The following ERICH6 variants were observed in gnomAD, a reference collection of about 807,000 sequenced individuals.
The protein encoded by ERICH6 is glutamate-rich protein 6.
Under a neutral mutation model 71.0 loss-of-function variants are expected in ERICH6, and 71 were observed. The ratio of observed to expected loss-of-function variants is 1.00; its 90% confidence interval spans 0.83 to 1.22. ERICH6 has a LOEUF of 1.22. Ranked by LOEUF, ERICH6 falls within the 50% of genes most tolerant of loss-of-function variation. The pLI is 0.00. For synonymous variants in ERICH6, 262 were observed against 278.4 expected, an observed-to-expected ratio of 0.94 and a Z score of 0.59; for missense variants, 808 against 797.2, an observed-to-expected ratio of 1.01 and a Z score of -0.16.
chr3:150,672,713 T>G (rs1711517507), intron 11 of ERICH6, among the ~76,000 whole-genome samples: 1 of 151,674 alleles, frequency 6.6e-6, no homozygotes, highest in Non-Finnish European at 1.5e-5. Context: ...GTGTTCAGAA[T>G]AGCCAAAAAA....
At chr3:150,686,933 G>A (rs1265743236) in intron 3 of ERICH6, among the ~76,000 whole-genome samples, 1 of 152,188 alleles carries the variant, frequency 6.6e-6, no homozygotes, top group Non-Finnish European at 1.5e-5. Context: ...CACTTTGGGA[G>A]GCCAAGGCGG....
At position 150,666,894 on chromosome 3, in the gene ERICH6, C is replaced by A; in HGVS notation, c.1621G>T (p.Ala541Ser). 6.2e-7 allele frequency: 1 copy of A among 1,614,010 alleles called. No homozygotes were observed. Among genetic ancestry groups the A allele is most frequent in the Non-Finnish European group, 8.5e-7 (1 of 1,180,008 alleles). ...CGGACTCCAATATAACGGTTCAAAG[C>A]CAGAAAGACAGGTTTAAATGAAACA... Reference protein sequence around the residue: ...PFVSFKPVFLALNRYIGVRIL... With the variant: ...PFVSFKPVFLSLNRYIGVRIL... The change falls in exon 13 of 14, where the codon GCT becomes TCT. Residue 541 changes from alanine (A) to serine (S), a missense_variant. Physicochemically the swap from Ala to Ser is moderately conservative, Grantham distance 99. Transcript: ENST00000295910.
intron 2 of ERICH6, among the ~76,000 whole-genome samples, chr3:150,700,126 G>A (rs1360885685): frequency 1.3e-5 from 2 of 151,846 alleles, no homozygotes; most frequent in Non-Finnish European, 2.9e-5. Flanking sequence ...CCAGGCTGGA[G>A]TGCAGTGGTG....
At chr3:150,685,057 C>T (rs1712124521) in intron 6 of ERICH6, among the ~76,000 whole-genome samples, 1 of 152,092 alleles carries the variant, frequency 6.6e-6, no homozygotes, top group African/African-American at 2.4e-5. Flanking sequence ...CTCTCTCTGT[C>T]ACCCAGGCTG....
chr3:150,689,196 T>C (rs1712320590), intron 3 of ERICH6, among the ~76,000 whole-genome samples: 2 of 151,564 alleles, frequency 1.3e-5, no homozygotes, highest in Admixed American at 6.6e-5. Flanking sequence ...GTACAACTTC[T>C]CTTTTTTTGA....
intron 3 of ERICH6, among the ~76,000 whole-genome samples, chr3:150,694,541 C>A (rs1257127491): frequency 6.6e-6 from 1 of 152,054 alleles, no homozygotes; most frequent in Non-Finnish European, 1.5e-5. Flanking sequence ...ATTGACTATT[C>A]CCCTACCTGC....
intron 2 of ERICH6, among the ~76,000 whole-genome samples, chr3:150,699,984 A>T (rs1424317668): frequency 4.6e-5 from 7 of 152,212 alleles, no homozygotes; most frequent in African/African-American, 1.4e-4. Context: ...AAAGGGGAGG[A>T]AGTAATTATA....
intron 3 of ERICH6, among the ~76,000 whole-genome samples, chr3:150,690,216 T>G (rs1323986637): frequency 6.6e-6 from 1 of 152,214 alleles, no homozygotes. Context: ...ATTTTATGTT[T>G]GATTTGGCAT....
chr3:150,667,427 C>T (rs573243881), intron 12 of ERICH6, among the ~76,000 whole-genome samples: 1 of 152,248 alleles, frequency 6.6e-6, no homozygotes, highest in South Asian at 2.1e-4. Flanking sequence ...GCTGTGTTGA[C>T]CTCAGTACAA....
chr3:150,697,073 G>T (rs182065137), intron 3 of ERICH6, among the ~76,000 whole-genome samples: 41 of 152,150 alleles, frequency 2.7e-4, no homozygotes, highest in Admixed American at 1.6e-3. Flanking sequence ...CAATTACAAA[G>T]AATTTTTACC....
chr3:150,679,246 A>G (rs992008764), intron 9 of ERICH6, among the ~76,000 whole-genome samples: 2 of 151,786 alleles, frequency 1.3e-5, no homozygotes, highest in Non-Finnish European at 2.9e-5. Context: ...TATTATTTCA[A>G]TAGGTTTTTG....
At chr3:150,687,104 C>G (rs994257217) in intron 3 of ERICH6, among the ~76,000 whole-genome samples, 1 of 152,186 alleles carries the variant, frequency 6.6e-6, no homozygotes, top group African/African-American at 2.4e-5. Flanking sequence ...TGTACTCCAA[C>G]GTGGGCTACC....
intron 7 of ERICH6, among the ~76,000 whole-genome samples, chr3:150,681,967 G>A (rs767332617): frequency 1.3e-4 from 19 of 151,754 alleles, no homozygotes; most frequent in East Asian, 1.9e-4. Flanking sequence ...GGTGCACACC[G>A]CCATGCCCGG....
intron 11 of ERICH6, among the ~76,000 whole-genome samples, chr3:150,670,792 C>T (rs909532014): frequency 1.3e-5 from 2 of 152,104 alleles, no homozygotes; most frequent in African/African-American, 2.4e-5. Context: ...ATAAAATATA[C>T]TGAAGATAAT....
intron 11 of ERICH6, among the ~76,000 whole-genome samples, chr3:150,671,689 C>T (rs372793422): frequency 4.8e-4 from 73 of 152,270 alleles, no homozygotes; most frequent in African/African-American, 1.7e-3. Flanking sequence ...TGCAATGGCA[C>T]GATCACAGCT....
chr3:150,698,911 A>T (rs756909007), intron 2 of ERICH6, 29 bp from the exon 3 acceptor site: 3 of 1,461,380 alleles, frequency 2.1e-6, no homozygotes, highest in African/African-American at 1.4e-5. Context: ...TGTTTTGAGT[A>T]TACCTATATA....
rs867921730 is a variant in ERICH6 at position 150,660,046 on chromosome 3, C to A, written c.1838G>T (p.Cys613Phe). ...IRRLFHKLEG[C>F]VNFPSSQVWE... ...AACCTGGCTTGAGGGAAAATTCACA[C>A]ATCCTTCAAGTTTATGAAACAGGCG... Residue 613 changes from cysteine to phenylalanine, a missense_variant, in exon 14 of 14, where the codon TGT becomes TTT. Coordinates refer to ENST00000295910, the MANE Select transcript of ERICH6 (RefSeq NM_152394.5). 3.1e-6 allele frequency: 5 copies of A among 1,614,000 alleles called. No homozygotes were observed. In the African/African-American group the frequency reaches 5.3e-5, roughly 17 times the overall value.
intron 3 of ERICH6, among the ~76,000 whole-genome samples, chr3:150,692,013 T>G (rs1712458297): frequency 6.6e-6 from 1 of 152,122 alleles, no homozygotes. Context: ...GAGCCAATTT[T>G]GAGGGATAAA....
At chr3:150,697,901 C>T (rs1712712024) in intron 3 of ERICH6, among the ~76,000 whole-genome samples, 1 of 152,240 alleles carries the variant, frequency 6.6e-6, no homozygotes, top group African/African-American at 2.4e-5. Context: ...TCCCTGCTTA[C>T]TCCACTGCAG....
Sources: allele counts gnomAD v4.1 joint callset (sites outside exome capture counted in the v4.1 genomes callset), GRCh38; gene constraint gnomAD v4.1.1; transcripts MANE v1.5; gene names NCBI Gene and HGNC (gene_info 2026-07-23, HGNC 2026-07-21).